TMLHE: variants seen among roughly 807,000 people sequenced by gnomAD.
TMLHE encodes the protein trimethyllysine hydroxylase, epsilon.
In TMLHE, 18 loss-of-function variants were observed where a neutral mutation model predicts 25.7. That is an observed-to-expected ratio of 0.70 (90% CI 0.48 to 1.04). The LOEUF is 1.04. TMLHE is among the 50% of genes least tolerant of loss of function. The pLI, the probability that TMLHE is intolerant of heterozygous loss-of-function variation, is 0.00. For synonymous variants in TMLHE, 105 were observed against 97.0 expected (o/e 1.08, Z -0.49); for missense variants, 236 against 259.0 (o/e 0.91, Z 0.61).
In TMLHE at chrX:155,595,662, C is replaced by A. The variant is rs2067716713; in HGVS notation, c.-2+17130G>T. ...GCAGCTATGCCAGCAGGCACAAAAACCTTGTACCTTTTGTGAAATACCTTT... is the reference window on the plus strand; with the variant it reads ...GCAGCTATGCCAGCAGGCACAAAAAACTTGTACCTTTTGTGAAATACCTTT... On this transcript the variant is annotated intron_variant, in intron 1 of 7. Coordinates refer to ENST00000334398, the MANE Select transcript of TMLHE (RefSeq NM_018196.4). Among the ~76,000 whole-genome samples the A allele has an allele frequency of 1.8e-5, 2 of 112,083 alleles. 1 individual carries two copies. Among genetic ancestry groups the A allele is most frequent in the Admixed American group, 1.9e-4 (2 of 10,592 alleles).
At chrX:155,512,441 A>C (rs2124336292) in intron 4 of TMLHE, among the ~76,000 whole-genome samples, 1 of 107,887 alleles carries the variant, frequency 9.3e-6, no homozygotes, top group Non-Finnish European at 1.9e-5. Flanking sequence ...TCCTTGCGAT[A>C]GTTTACTGAG....
At chrX:155,538,055 T>C (rs781934969) in intron 2 of TMLHE, among the ~76,000 whole-genome samples, 1 of 111,456 alleles carries the variant, frequency 9.0e-6, no homozygotes, top group Admixed American at 9.6e-5. Context: ...TGCTGTATGA[T>C]AGATCTCTTG....
At position 155,612,794 on chromosome X, in the gene TMLHE, G is replaced by C. The variant is rs1316489424; in HGVS notation, c.-4C>G. 4 of 112,216 alleles carry C rather than the reference G, an allele frequency of 3.6e-5. No individual in the cohort carries two copies. Among genetic ancestry groups the C allele is most frequent in the African/African-American group, 1.3e-4 (4 of 30,992 alleles). The allele number at this position is 112,216 out of a possible 1,213,427, so 9.2% of individuals were successfully genotyped here. ...CTGACCCACGGGACGGAACCCACCT[G>C]TGCTGGAGGTCGTGACTGCTAACTC... is the stretch of plus-strand genomic sequence containing the variant. On this transcript the variant is annotated splice_region_variant and 5_prime_UTR_variant, in exon 1 of 8. Transcript: ENST00000334398.
Position 155,551,982 on chromosome X carries a change from G to T in TMLHE, c.-1-6705C>A, listed in dbSNP as rs782517444. On this transcript the variant is annotated intron_variant, in intron 1 of 7. Transcript: ENST00000334398. ...GATGTTGAATTTTAGGGTTTTTTTT[G>T]CATTTATTGATTTGACTGTATGATT... Among the ~76,000 whole-genome samples, 8 of 108,742 alleles carry T rather than the reference G, an allele frequency of 7.4e-5. No homozygotes were observed. In the South Asian group the frequency reaches 1.9e-3, roughly 26 times the overall value. 94.4% of individuals were successfully genotyped at this position (108,742 alleles called of 115,157 possible). A position where few individuals can be genotyped will look rare whatever the true frequency, so the allele number is the denominator to read the frequency against.
chrX:155,586,825 G>A (rs1232943664), intron 1 of TMLHE, among the ~76,000 whole-genome samples: 1 of 111,886 alleles, frequency 8.9e-6, no homozygotes, highest in Admixed American at 9.5e-5. Context: ...GGAGGAAATA[G>A]AAAAGCTGAA....
At chrX:155,584,313 A>T (rs1325812952) in intron 1 of TMLHE, among the ~76,000 whole-genome samples, 1 of 110,771 alleles carries the variant, frequency 9.0e-6, no homozygotes, top group Non-Finnish European at 1.9e-5. Context: ...GTCAGAAAAA[A>T]AAATAAATAA....
At chrX:155,579,886 C>A (rs1425203362) in intron 1 of TMLHE, among the ~76,000 whole-genome samples, 1 of 109,800 alleles carries the variant, frequency 9.1e-6, no homozygotes, top group East Asian at 2.8e-4. Context: ...GGCAGAAAAC[C>A]CAGGGAAACT....
intron 1 of TMLHE, among the ~76,000 whole-genome samples, chrX:155,580,963 AG>A (rs2067623530): frequency 8.9e-6 from 1 of 111,945 alleles, no homozygotes; most frequent in Admixed American, 9.5e-5. Context: ...CACATCAAAA[AG>A]CTTATCCACC....
At chrX:155,533,564 C>T (rs1380939544) in intron 2 of TMLHE, among the ~76,000 whole-genome samples, 1 of 110,484 alleles carries the variant, frequency 9.1e-6, no homozygotes, top group Non-Finnish European at 1.9e-5. Flanking sequence ...CAGGTACATG[C>T]TAGAAAAAAG....
rs1557342085 is a variant in TMLHE, at chrX:155,565,137, G to C, written c.-1-19860C>G. Among the ~76,000 whole-genome samples the C allele has an allele frequency of 3.2e-5, 2 of 62,410 alleles. 1 individual carries two copies. The highest frequency in any genetic ancestry group is 9.0e-5 in the Non-Finnish European group (2 of 22,216). 54.2% of individuals were successfully genotyped at this position (62,410 alleles called of 115,157 possible). A position where few individuals can be genotyped will look rare whatever the true frequency, so the allele number is the denominator to read the frequency against. On this transcript the variant is annotated intron_variant, in intron 1 of 7. Coordinates refer to ENST00000334398, the MANE Select transcript of TMLHE (RefSeq NM_018196.4). ...TTCAGATCTTTTGTCTGTGAAAGGA[G>C]AATAAGCACTGTTATATGTATTTAC...
chrX:155,558,119 CCTGGT>C (rs1292497906), intron 1 of TMLHE, among the ~76,000 whole-genome samples: 2 of 111,834 alleles, frequency 1.8e-5, no homozygotes, highest in Non-Finnish European at 3.8e-5. Context: ...CCTTCTACTA[CCTGGT>C]TCTGAGCTAC....
At chrX:155,546,481 C>G (rs781988678) in intron 1 of TMLHE, among the ~76,000 whole-genome samples, 14 of 111,327 alleles carry the variant, frequency 1.3e-4, no homozygotes, top group South Asian at 3.8e-4. Flanking sequence ...ATTAAACCCA[C>G]AAAATGCTTA....
intron 5 of TMLHE, among the ~76,000 whole-genome samples, chrX:155,507,901 T>C (rs1557332908): frequency 1.8e-5 from 2 of 111,156 alleles, no homozygotes; most frequent in Non-Finnish European, 3.8e-5. Flanking sequence ...ATTGAGAGCT[T>C]GAACTCAGAA....
At chrX:155,546,491 A>G in intron 1 of TMLHE, among the ~76,000 whole-genome samples, 1 of 111,163 alleles carries the variant, frequency 9.0e-6, no homozygotes, top group Non-Finnish European at 1.9e-5. Flanking sequence ...CAAAATGCTT[A>G]TGTTGAGTGG....
At chrX:155,548,654 G>C (rs782743208) in intron 1 of TMLHE, among the ~76,000 whole-genome samples, 1 of 108,321 alleles carries the variant, frequency 9.2e-6, no homozygotes, top group Non-Finnish European at 1.9e-5. Flanking sequence ...AGAATCGCTT[G>C]AACCCAGGAG....
chrX:155,518,211 TGA>T (rs1332827166), intron 3 of TMLHE, among the ~76,000 whole-genome samples: 2 of 14,747 alleles, frequency 1.4e-4, no homozygotes, highest in East Asian at 5.1e-3. Context: ...CCTAATTTAT[TGA>T]GAGTTTTTAG....
rs188014982 is a variant in TMLHE at position 155,548,580 on chromosome X, C to T, written c.-1-3303G>A. On this transcript the variant is annotated intron_variant, in intron 1 of 7. Coordinates refer to ENST00000334398, the MANE Select transcript of TMLHE (RefSeq NM_018196.4). ...GAAACCCTGTCTCTACTAAAAAATA[C>T]AAAAATTAGCCGGGTGTGGTGGCAC... Among the ~76,000 whole-genome samples the T allele has an allele frequency of 8.3e-5, 9 of 108,477 alleles. 1 individual carries two copies. Among genetic ancestry groups the T allele is most frequent in the Admixed American group, 6.8e-4 (7 of 10,357 alleles). 94.2% of individuals were successfully genotyped at this position (108,477 alleles called of 115,157 possible).
intron 1 of TMLHE, among the ~76,000 whole-genome samples, chrX:155,574,055 T>C (rs1158304667): frequency 9.3e-6 from 1 of 107,627 alleles, no homozygotes; most frequent in African/African-American, 3.6e-5. Flanking sequence ...TCCAGTGGCA[T>C]TGCTGAAAAC....
chrX:155,610,347 T>C (rs1436177979), intron 1 of TMLHE, among the ~76,000 whole-genome samples: 1 of 112,231 alleles, frequency 8.9e-6, no homozygotes, highest in Non-Finnish European at 1.9e-5. Context: ...TAATGAAGAC[T>C]GACTGCAGAT....
Sources: gnomAD v4.1 joint callset for allele counts (sites outside exome capture counted in the v4.1 genomes callset) on GRCh38, gnomAD v4.1.1 for gene constraint, MANE v1.5 for transcripts, NCBI Gene and HGNC (gene_info 2026-07-23, HGNC 2026-07-21) for gene names.